The following ZNF100 variants were observed in gnomAD, a reference collection of about 807,000 sequenced individuals.
ZNF100 encodes the protein zinc finger protein 100.
In ZNF100, 12 loss-of-function variants were observed where a neutral mutation model predicts 15.8. That is an observed-to-expected ratio of 0.76 (90% CI 0.49 to 1.23). The LOEUF is 1.23. Among genes scored for constraint, ZNF100 ranks in the 50% most tolerant of loss-of-function variants. ZNF100 has a pLI of 0.00. For missense variants in ZNF100, 670 were observed against 635.6 expected, an observed-to-expected ratio of 1.05 and a Z score of -0.58; for synonymous variants, 226 against 214.8, an observed-to-expected ratio of 1.05 and a Z score of -0.45.
intron 2 of ZNF100, among the ~76,000 whole-genome samples, chr19:21,759,744 G>A (rs2036450017): frequency 6.6e-6 from 1 of 152,212 alleles, no homozygotes; most frequent in South Asian, 2.1e-4. Flanking sequence ...AAATGCCATG[G>A]AAACATCAGG....
chr19:21,764,582 G>A (rs2036531397), intron 2 of ZNF100, among the ~76,000 whole-genome samples: 1 of 151,758 alleles, frequency 6.6e-6, no homozygotes, highest in Non-Finnish European at 1.5e-5. Context: ...GGAGGTTGCA[G>A]TGAGCCAAGA....
At position 21,766,445 on chromosome 19, in the gene ZNF100, A is replaced by AT. The variant is rs35317866; in HGVS notation, c.4-660dup. Among the ~76,000 whole-genome samples, 1,061 of 147,750 alleles carry AT rather than the reference A, an allele frequency of 7.2e-3. 10 individuals carry two copies. The highest frequency in any genetic ancestry group is 9.9e-3 in the Non-Finnish European group (664 of 66,958). On this transcript the variant is annotated intron_variant, in intron 1 of 4. Coordinates refer to ENST00000358296, the MANE Select transcript of ZNF100 (RefSeq NM_173531.4). The stretch of plus-strand genomic sequence containing the variant: ...AAAAAAAAAAATCTAACTCAGGTGC[A>AT]TTTTTTTTTTAATTACTACATTCAG...
At chr19:21,737,351 C>A (rs1355700916) in intron 4 of ZNF100, among the ~76,000 whole-genome samples, 1 of 151,516 alleles carries the variant, frequency 6.6e-6, no homozygotes, top group African/African-American at 2.4e-5. Context: ...CAAAGTGAAA[C>A]CCTGTCTCTA....
At chr19:21,757,299 A>G (rs992399271) in intron 2 of ZNF100, among the ~76,000 whole-genome samples, 1 of 152,240 alleles carries the variant, frequency 6.6e-6, no homozygotes, top group Non-Finnish European at 1.5e-5. Context: ...TTATCAGGGC[A>G]TGGTGGTGCA....
intron 4 of ZNF100, among the ~76,000 whole-genome samples, chr19:21,734,265 A>G (rs1347630970): frequency 6.6e-6 from 1 of 152,200 alleles, no homozygotes; most frequent in East Asian, 1.9e-4. Context: ...AATGAACTTC[A>G]GTGAGCTAAT....
intron 4 of ZNF100, among the ~76,000 whole-genome samples, chr19:21,732,475 T>A (rs2035936641): frequency 6.6e-6 from 1 of 152,110 alleles, no homozygotes; most frequent in African/African-American, 2.4e-5. Flanking sequence ...AGTAGACATA[T>A]GGCTGATTTA....
intron 2 of ZNF100, among the ~76,000 whole-genome samples, chr19:21,754,933 A>T (rs2145735400): frequency 6.6e-6 from 1 of 152,358 alleles, no homozygotes; most frequent in East Asian, 1.9e-4. Context: ...TAAGGAACTT[A>T]TACAAATTTA....
rs763587441 is a variant in ZNF100 at position 21,727,525 on chromosome 19, A to G, written c.787T>C (p.Cys263Arg). The G allele has an allele frequency of 6.2e-7, 1 of 1,613,804 alleles. No homozygotes were observed. The highest frequency in any genetic ancestry group is 1.7e-5 in the Admixed American group (1 of 60,008). ...TTAAATGCTTTCCCACATTCTTCACATTTGTAGGGTTTCTCTCCAGTATGA... is the reference window on the plus strand; with the variant it reads ...TTAAATGCTTTCCCACATTCTTCACGTTTGTAGGGTTTCTCTCCAGTATGA... Reference protein sequence around the residue: ...RIHTGEKPYKCEECGKAFNRS... With the variant: ...RIHTGEKPYKREECGKAFNRS... The change falls in exon 5 of 5, where the codon TGT becomes CGT. Residue 263 changes from cysteine to arginine, a missense_variant. Cys to Arg is a radical substitution (Grantham distance 180, BLOSUM62 -3). Transcript: ENST00000358296.
At chr19:21,729,039 G>T (rs1485605241) in intron 4 of ZNF100, among the ~76,000 whole-genome samples, 1 of 151,934 alleles carries the variant, frequency 6.6e-6, no homozygotes, top group Non-Finnish European at 1.5e-5. Flanking sequence ...AACACACAAA[G>T]ATATTTATAA....
At chr19:21,757,298 C>A (rs753585407) in intron 2 of ZNF100, among the ~76,000 whole-genome samples, 2 of 152,180 alleles carry the variant, frequency 1.3e-5, no homozygotes, top group Non-Finnish European at 2.9e-5. Context: ...ATTATCAGGG[C>A]ATGGTGGTGC....
At position 21,725,306 on chromosome 19, in the gene ZNF100, T is replaced by C. The variant is rs1248235806; in HGVS notation, c.*1377A>G. Reference sequence around the variant, plus strand: ...AAAGGTTGAATATATTAACATCACATATAATCTGAAATTTAAAAAATATAC... The same window carrying C: ...AAAGGTTGAATATATTAACATCACACATAATCTGAAATTTAAAAAATATAC... On this transcript the variant is annotated 3_prime_UTR_variant, in exon 5 of 5. Coordinates refer to ENST00000358296, the MANE Select transcript of ZNF100 (RefSeq NM_173531.4). 4 of 152,174 alleles carry C rather than the reference T, an allele frequency of 2.6e-5. No homozygotes were observed. The highest frequency in any genetic ancestry group is 4.8e-5 in the African/African-American group (2 of 41,460). 9.4% of individuals were successfully genotyped at this position (152,174 alleles called of 1,614,324 possible).
At chr19:21,756,321 C>A (rs2036392560) in intron 2 of ZNF100, among the ~76,000 whole-genome samples, 1 of 152,142 alleles carries the variant, frequency 6.6e-6, no homozygotes, top group African/African-American at 2.4e-5. Context: ...AGGATGCCTT[C>A]CCTCAAAACT....
chr19:21,748,444 C>T (rs912845153), intron 2 of ZNF100, among the ~76,000 whole-genome samples: 1 of 152,140 alleles, frequency 6.6e-6, no homozygotes, highest in African/African-American at 2.4e-5. Context: ...CTAAGCTTAC[C>T]TAAGAAAAAC....
chr19:21,726,696 G>T lies in ZNF100; in HGVS notation c.1616C>A (p.Thr539Asn). 1 of 1,607,396 alleles carries T rather than the reference G, an allele frequency of 6.2e-7. No homozygotes were observed. Residue 539 changes from threonine to asparagine, a missense_variant, in exon 5 of 5, where the codon ACC becomes AAC. Coordinates refer to ENST00000358296, the MANE Select transcript of ZNF100 (RefSeq NM_173531.4). Reference sequence around the variant, plus strand: ...TTGCCACATTTTTCACATTTGTAGGGTTTCTCTCCAGTATGAGTTATTTTG... The same window carrying T: ...TTGCCACATTTTTCACATTTGTAGGTTTTCTCTCCAGTATGAGTTATTTTG... Reference protein sequence around the residue: ...IKQNNSYWRETLQM With the variant: ...IKQNNSYWRENLQM
In ZNF100 at chr19:21,724,682, C is replaced by G. The variant is rs1223961064; in HGVS notation, c.*2001G>C. The G allele has an allele frequency of 6.6e-6, 1 of 152,018 alleles. No homozygotes were observed. The highest frequency in any genetic ancestry group is 6.6e-5 in the Admixed American group (1 of 15,244). The allele number at this position is 152,018 out of a possible 1,614,324, so 9.4% of individuals were successfully genotyped here. A position where few individuals can be genotyped will look rare whatever the true frequency, so the allele number is the denominator to read the frequency against. On this transcript the variant is annotated 3_prime_UTR_variant, in exon 5 of 5. Transcript: ENST00000358296. ...ATTATTATATACTGTATTCTTGTAT[C>G]AAAATATGCCATATATTGCATGAAT...
rs62110823 is a variant in ZNF100, at chr19:21,754,612, C to T, written c.97-9545G>A. On this transcript the variant is annotated intron_variant, in intron 2 of 4. Coordinates refer to ENST00000358296, the MANE Select transcript of ZNF100 (RefSeq NM_173531.4). ...CAGAAAACTGAAACTGGACCCCTTC[C>T]TTACAAAATTATACAAAAATTAACT... Among the ~76,000 whole-genome samples the T allele has an allele frequency of 9.4e-4, 143 of 152,210 alleles. 1 individual carries two copies. Among genetic ancestry groups the T allele is most frequent in the Admixed American group, 2.2e-3 (34 of 15,288 alleles).
At chr19:21,754,433 T>A (rs1001879961) in intron 2 of ZNF100, among the ~76,000 whole-genome samples, 1 of 152,152 alleles carries the variant, frequency 6.6e-6, no homozygotes, top group African/African-American at 2.4e-5. Context: ...AAATTCAGCA[T>A]CCCTTCATGT....
chr19:21,730,067 CAAATA>C lies in ZNF100; in HGVS notation c.323-2083_323-2079del, dbSNP rs1261096601. ...AAATGAGTGACCAAGATATAAGAAT[CAAATA>C]AAACAATTAATAAAATAACATTAGT... On this transcript the variant is annotated intron_variant, in intron 4 of 4. Coordinates refer to ENST00000358296, the MANE Select transcript of ZNF100 (RefSeq NM_173531.4). Among the ~76,000 whole-genome samples the C allele has an allele frequency of 3.3e-5, 5 of 151,740 alleles. No homozygotes were observed. The South Asian group carries it at 8.3e-4, about 25-fold the overall frequency.
rs1052854047 is a variant in ZNF100 at position 21,731,302 on chromosome 19, C to CTTT, written c.323-3316_323-3314dup. ...TGCAAGTTTCTTTCCTTTTTCTTTC[C>CTTT]TTTTTTTTTTATTTTTTATTTTTTG... On this transcript the variant is annotated intron_variant, in intron 4 of 4. Coordinates refer to ENST00000358296, the MANE Select transcript of ZNF100 (RefSeq NM_173531.4). Among the ~76,000 whole-genome samples, 49 of 139,654 alleles carry CTTT rather than the reference C, an allele frequency of 3.5e-4. 1 individual carries two copies. The highest frequency in any genetic ancestry group is 7.2e-4 in the African/African-American group (25 of 34,908). 91.6% of individuals were successfully genotyped at this position (139,654 alleles called of 152,430 possible).
Sources: allele counts gnomAD v4.1 joint callset (sites outside exome capture counted in the v4.1 genomes callset), GRCh38; gene constraint gnomAD v4.1.1; transcripts MANE v1.5; gene names NCBI Gene and HGNC (gene_info 2026-07-23, HGNC 2026-07-21).